Variants in SLC6A15 observed in about 807,000 individuals in gnomAD.
SLC6A15 encodes the protein solute carrier family 6 member 15, also known as sodium-dependent neutral amino acid transporter B(0)AT2.
SLC6A15 carries 33 observed loss-of-function variants against 68.5 expected under a neutral mutation model. The observed-to-expected ratio is 0.48, with a 90% CI of 0.37 to 0.64. The LOEUF is 0.64. SLC6A15 is among the 30% of genes least tolerant of loss of function. The probability of loss-of-function intolerance (pLI) is 0.00; values close to 1 mark genes in which losing one functional copy is unlikely to be tolerated. For missense variants in SLC6A15, 747 were observed against 874.3 expected (o/e 0.85, Z 1.84); for synonymous variants, 347 against 301.0 (o/e 1.15, Z -1.58).
chr12:84,890,138 G>T (rs757068497), intron 2 of SLC6A15, among the ~76,000 whole-genome samples: 1 of 151,976 alleles, frequency 6.6e-6, no homozygotes, highest in Non-Finnish European at 1.5e-5. Flanking sequence ...GTGAAAAATC[G>T]GTTGGTATTT....
chr12:84,888,635 C>T lies in SLC6A15; in HGVS notation c.290-2567G>A, dbSNP rs575834490. Among the ~76,000 whole-genome samples, 4 of 152,060 alleles carry T rather than the reference C, an allele frequency of 2.6e-5. No homozygotes were observed. In the South Asian group the frequency reaches 6.2e-4, roughly 24 times the overall value. On this transcript the variant is annotated intron_variant, in intron 2 of 11. Coordinates refer to ENST00000266682, the MANE Select transcript of SLC6A15 (RefSeq NM_182767.6). ...AAGGGGAAAATTGGGATGGGGGATA[C>T]GGTTAAAAAACTACATATTATGTAC... is the stretch of plus-strand genomic sequence containing the variant.
chr12:84,900,808 AC>A (rs920751389), intron 1 of SLC6A15, among the ~76,000 whole-genome samples: 2 of 151,482 alleles, frequency 1.3e-5, no homozygotes, highest in African/African-American at 4.8e-5. Context: ...AAGATGAATT[AC>A]TTTTTAATAT....
intron 2 of SLC6A15, among the ~76,000 whole-genome samples, chr12:84,887,277 A>C (rs1466008240): frequency 2.0e-5 from 3 of 152,246 alleles, no homozygotes; most frequent in Admixed American, 2.0e-4. Context: ...GTTTAATGGC[A>C]CTGAATAGAT....
At chr12:84,869,452 A>T (rs572808661) in intron 9 of SLC6A15, among the ~76,000 whole-genome samples, 1 of 137,796 alleles carries the variant, frequency 7.3e-6, no homozygotes, top group African/African-American at 2.8e-5. Context: ...GCGACAGAGC[A>T]AGACTCCGTC....
At chr12:84,883,763 T>G in intron 5 of SLC6A15, 96 bp downstream of exon 5, 1 of 1,613,592 alleles carries the variant, frequency 6.2e-7, no homozygotes, top group Admixed American at 1.7e-5. Flanking sequence ...AAGTGTTATG[T>G]GTGATTTGCC....
chr12:84,892,063 C>T lies in SLC6A15; in HGVS notation c.58G>A (p.Val20Ile). Residue 20 changes from valine (V) to isoleucine (I), a missense_variant, in exon 2 of 12, where the codon GTC becomes ATC. Coordinates refer to ENST00000266682, the MANE Select transcript of SLC6A15 (RefSeq NM_182767.6). ...RELDDDVTES[V>I]KDLLSNEDAA... ...TCTTCATTGGAAAGAAGGTCTTTGA[C>T]AGACTCAGTAACATCATCATCTAAT... 2 of 1,611,926 alleles carry T rather than the reference C, an allele frequency of 1.2e-6. No homozygotes were observed. Among genetic ancestry groups the T allele is most frequent in the Non-Finnish European group, 1.7e-6 (2 of 1,179,340 alleles).
At chr12:84,875,303 A>G (rs1396485528) in intron 6 of SLC6A15, among the ~76,000 whole-genome samples, 1 of 152,050 alleles carries the variant, frequency 6.6e-6, no homozygotes, top group Admixed American at 6.6e-5. Flanking sequence ...CTAGTTGTTC[A>G]CAGAGAAGTT....
intron 9 of SLC6A15, 125 bp from the exon 10 acceptor site, chr12:84,867,318 A>AGGTATTGCCTGTT: frequency 2.8e-6 from 2 of 715,892 alleles, no homozygotes; most frequent in Non-Finnish European, 4.2e-6. Flanking sequence ...TAAACAGGCA[A>AGGTATTGCCTGTT]TACCTTTCCT....
chr12:84,902,472 T>C (rs992973089), intron 1 of SLC6A15, among the ~76,000 whole-genome samples: 2 of 151,864 alleles, frequency 1.3e-5, no homozygotes, highest in Non-Finnish European at 2.9e-5. Flanking sequence ...AATAAAGACT[T>C]CTCATAGTAA....
At chr12:84,880,962 G>T (rs778099974) in intron 5 of SLC6A15, 4 of 743,898 alleles carry the variant, frequency 5.4e-6, no homozygotes, top group Non-Finnish European at 6.6e-6. Flanking sequence ...CTTAATTCTG[G>T]CCAACTATTT....
chr12:84,879,694 C>T (rs1871731635), intron 5 of SLC6A15, among the ~76,000 whole-genome samples: 1 of 151,768 alleles, frequency 6.6e-6, no homozygotes, highest in Admixed American at 6.6e-5. Context: ...CAATATGTTG[C>T]AATATGGTTG....
chr12:84,882,942 T>C, intron 5 of SLC6A15: 1 of 818,490 alleles, frequency 1.2e-6, no homozygotes, highest in Non-Finnish European at 1.5e-6. Context: ...TGACTACTTC[T>C]ACTATTGCTG....
intron 5 of SLC6A15, chr12:84,881,002 A>C (rs1871796187): frequency 3.1e-6 from 1 of 326,202 alleles, no homozygotes; most frequent in Non-Finnish European, 4.4e-6. Flanking sequence ...ACTTTGCAGT[A>C]AAATGGGGAT....
intron 8 of SLC6A15, among the ~76,000 whole-genome samples, chr12:84,871,774 C>T (rs138510283): frequency 1.6e-3 from 237 of 152,136 alleles, no homozygotes; most frequent in African/African-American, 5.3e-3. Context: ...TTTTCCTTTT[C>T]GACATACAGG....
In SLC6A15 at chr12:84,891,938, T is replaced by C. The variant is rs777179271; in HGVS notation, c.183A>G (p.Arg61=). ...ATTGTAGTTTACTGTTCCAAGCTGG[T>C]CTTTCATCTTCGACTTCAGATCCTT... ...VEEGSEVEDE[R]PAWNSKLQYI... Residue 61 remains arginine, a synonymous_variant, in exon 2 of 12, where the codon AGA becomes AGG. Coordinates refer to ENST00000266682, the MANE Select transcript of SLC6A15 (RefSeq NM_182767.6). 6.2e-7 allele frequency: 1 copy of C among 1,614,042 alleles called. No individual in the cohort carries two copies. The highest frequency in any genetic ancestry group is 2.2e-5 in the East Asian group (1 of 44,860).
At chr12:84,906,559 T>G (rs982705059) in intron 1 of SLC6A15, among the ~76,000 whole-genome samples, 2 of 152,186 alleles carry the variant, frequency 1.3e-5, no homozygotes, top group Non-Finnish European at 2.9e-5. Context: ...TAATGAAGTC[T>G]ATGTGAGGTT....
intron 1 of SLC6A15, among the ~76,000 whole-genome samples, chr12:84,912,236 G>T (rs1202438782): frequency 6.6e-6 from 1 of 152,128 alleles, no homozygotes; most frequent in East Asian, 1.9e-4. Context: ...CGGGAAGAAA[G>T]GATGGCGGCA....
chr12:84,890,947 T>C (rs1435429063), intron 2 of SLC6A15, among the ~76,000 whole-genome samples: 2 of 152,298 alleles, frequency 1.3e-5, no homozygotes, highest in East Asian at 3.9e-4. Context: ...AGCATGTACG[T>C]GTACATAAAT....
Position 84,873,089 on chromosome 12 carries a change from T to G in SLC6A15, c.1107A>C (p.Thr369=). 3.7e-6 allele frequency: 6 copies of G among 1,614,042 alleles called. No homozygotes were observed. The highest frequency in any genetic ancestry group is 5.1e-6 in the Non-Finnish European group (6 of 1,179,978). The change falls in exon 7 of 12, where the codon ACA becomes ACC. Residue 369 remains threonine (T), a splice_region_variant and synonymous_variant. Transcript: ENST00000266682. ...CAAATGGAAATTAATATTCATACTGTGTAATGCATTTCTCATTTATGACAT... is the reference window on the plus strand; with the variant it reads ...CAAATGGAAATTAATATTCATACTGGGTAATGCATTTCTCATTTATGACAT... The part of the protein sequence containing the change: ...KANVINEKCI[T]QNSETIMKFL...
Sources: gnomAD v4.1 joint callset for allele counts (sites outside exome capture counted in the v4.1 genomes callset) on GRCh38, gnomAD v4.1.1 for gene constraint, MANE v1.5 for transcripts, NCBI Gene and HGNC (gene_info 2026-07-23, HGNC 2026-07-21) for gene names.